The following TNR variants were observed in gnomAD, a reference collection of about 807,000 sequenced individuals.
TNR encodes the protein tenascin-R.
TNR carries 45 observed loss-of-function variants against 150.4 expected under a neutral mutation model. That is an observed-to-expected ratio of 0.30 (90% CI 0.24 to 0.38). The LOEUF is 0.38. Ranked by LOEUF, TNR falls within the 10% of genes least tolerant of loss-of-function variation. The probability of loss-of-function intolerance (pLI) is 1.00; values close to 1 mark genes in which losing one functional copy is unlikely to be tolerated. For missense variants in TNR, 1,544 were observed against 1,759.1 expected, an observed-to-expected ratio of 0.88 and a Z score of 2.19; for synonymous variants, 687 against 678.4, an observed-to-expected ratio of 1.01 and a Z score of -0.20.
chr1:175,488,739 C>A (rs1393480719), intron 2 of TNR, among the ~76,000 whole-genome samples: 1 of 152,156 alleles, frequency 6.6e-6, no homozygotes, highest in African/African-American at 2.4e-5. Context: ...AGATGAAACT[C>A]CCAGAATCCC....
chr1:175,617,044 TC>T (rs1663799795), intron 1 of TNR, among the ~76,000 whole-genome samples: 1 of 152,218 alleles, frequency 6.6e-6, no homozygotes, highest in South Asian at 2.1e-4. Flanking sequence ...AATTCATTCC[TC>T]CCACTCTGCT....
chr1:175,633,629 G>A (rs913677195), intron 1 of TNR, among the ~76,000 whole-genome samples: 2 of 152,114 alleles, frequency 1.3e-5, no homozygotes, highest in African/African-American at 4.8e-5. Context: ...AATCGCAAAT[G>A]CCATAAAAAT....
intron 2 of TNR, among the ~76,000 whole-genome samples, chr1:175,483,077 T>C (rs914258849): frequency 6.6e-6 from 1 of 152,208 alleles, no homozygotes; most frequent in African/African-American, 2.4e-5. Flanking sequence ...TCCCTAAACA[T>C]TTGTAAAACA....
intron 17 of TNR, among the ~76,000 whole-genome samples, chr1:175,355,184 G>A (rs933561989): frequency 1.3e-5 from 2 of 152,206 alleles, no homozygotes; most frequent in African/African-American, 4.8e-5. Flanking sequence ...GGAAGCACCA[G>A]CACAACCCAG....
At chr1:175,546,044 G>T (rs1472416332) in intron 1 of TNR, among the ~76,000 whole-genome samples, 5 of 152,214 alleles carry the variant, frequency 3.3e-5, no homozygotes, top group Non-Finnish European at 2.9e-5. Flanking sequence ...AAGTTGGTTT[G>T]TTCACAGCCT....
At chr1:175,657,717 C>A (rs1665225204) in intron 1 of TNR, among the ~76,000 whole-genome samples, 2 of 123,770 alleles carry the variant, frequency 1.6e-5, no homozygotes, top group South Asian at 5.4e-4. Context: ...GGGAACTGAA[C>A]AATGAGAACA....
intron 2 of TNR, among the ~76,000 whole-genome samples, chr1:175,487,547 C>A (rs892525897): frequency 6.6e-6 from 1 of 152,200 alleles, no homozygotes; most frequent in Non-Finnish European, 1.5e-5. Flanking sequence ...GTAGCTCTTC[C>A]CCTGGCCAAT....
chr1:175,656,145 T>TGTTGAA (rs1665166427), intron 1 of TNR, among the ~76,000 whole-genome samples: 1 of 116,658 alleles, frequency 8.6e-6, no homozygotes, highest in African/African-American at 4.3e-5. Context: ...GGTTGAAGTG[T>TGTTGAA]GTGTGTGTGT....
chr1:175,496,965 G>A (rs577447132), intron 2 of TNR, among the ~76,000 whole-genome samples: 15 of 152,244 alleles, frequency 9.9e-5, no homozygotes, highest in Middle Eastern at 3.4e-3. Context: ...CCTTTCCCCC[G>A]TAAGTCCTAG....
At chr1:175,330,886 A>G (rs950105602) in intron 20 of TNR, among the ~76,000 whole-genome samples, 2 of 152,008 alleles carry the variant, frequency 1.3e-5, no homozygotes, top group African/African-American at 4.8e-5. Flanking sequence ...ACCCTCATTC[A>G]TCTGCTTCTT....
chr1:175,484,258 T>C (rs761717641), intron 2 of TNR, among the ~76,000 whole-genome samples: 1 of 152,220 alleles, frequency 6.6e-6, no homozygotes, highest in South Asian at 2.1e-4. Context: ...AATTCCTAAA[T>C]GTGTTACTTT....
intron 1 of TNR, among the ~76,000 whole-genome samples, chr1:175,600,899 C>G (rs982162063): frequency 3.2e-4 from 49 of 152,182 alleles, no homozygotes; most frequent in Non-Finnish European, 1.0e-4. Context: ...TACAGAGGAA[C>G]TCCTGAGTTT....
At chr1:175,533,997 A>G (rs1161804118) in intron 1 of TNR, among the ~76,000 whole-genome samples, 1 of 152,180 alleles carries the variant, frequency 6.6e-6, no homozygotes, top group Non-Finnish European at 1.5e-5. Context: ...GTCAGAAGAC[A>G]TTGCTTTAAG....
chr1:175,564,263 C>T (rs1217689850), intron 1 of TNR, among the ~76,000 whole-genome samples: 2 of 152,076 alleles, frequency 1.3e-5, no homozygotes, highest in East Asian at 3.9e-4. Flanking sequence ...CCTGCCCTGT[C>T]TCTCTGACCA....
At chr1:175,698,562 G>A (rs567992625) in intron 1 of TNR, among the ~76,000 whole-genome samples, 39 of 152,226 alleles carry the variant, frequency 2.6e-4, no homozygotes, top group Admixed American at 1.6e-3. Flanking sequence ...GGTGTCGGCC[G>A]GGTGCAGTGG....
intron 1 of TNR, among the ~76,000 whole-genome samples, chr1:175,554,654 G>A (rs549113331): frequency 2.0e-4 from 31 of 152,182 alleles, no homozygotes; most frequent in African/African-American, 7.2e-4. Flanking sequence ...ATGGCTCATG[G>A]GGATGCTGGC....
At chr1:175,627,910 G>C (rs970008383) in intron 1 of TNR, among the ~76,000 whole-genome samples, 8 of 152,174 alleles carry the variant, frequency 5.3e-5, no homozygotes, top group African/African-American at 1.9e-4. Context: ...TGAGAGGTCT[G>C]TAAAAGCCGA....
At chr1:175,517,691 G>C (rs759098938) in intron 2 of TNR, among the ~76,000 whole-genome samples, 13 of 152,186 alleles carry the variant, frequency 8.5e-5, no homozygotes, top group Non-Finnish European at 1.6e-4. Context: ...TAGTCAAAAA[G>C]GTAGCATTTA....
chr1:175,324,626 C>T, intron 21 of TNR, 107 bp from the exon 22 acceptor site: 2 of 1,299,384 alleles, frequency 1.5e-6, no homozygotes, highest in East Asian at 2.3e-5. Context: ...CTTATGGAAC[C>T]TTTTCATTTC....
Sources: gnomAD v4.1 joint callset for allele counts (sites outside exome capture counted in the v4.1 genomes callset) on GRCh38, gnomAD v4.1.1 for gene constraint, MANE v1.5 for transcripts, NCBI Gene and HGNC (gene_info 2026-07-23, HGNC 2026-07-21) for gene names.